SMARCA2: variants seen among roughly 807,000 people sequenced by gnomAD.
SMARCA2 encodes the protein SWI/SNF related BAF chromatin remodeling complex subunit ATPase 2.
In SMARCA2, 61 loss-of-function variants were observed where a neutral mutation model predicts 199.8. That is an observed-to-expected ratio of 0.31 (90% CI 0.25 to 0.38). The LOEUF is 0.38. SMARCA2 is among the 10% of genes least tolerant of loss of function. The pLI, the probability that SMARCA2 is intolerant of heterozygous loss-of-function variation, is 1.00. For missense variants in SMARCA2, 1,344 were observed against 2,012.2 expected, an observed-to-expected ratio of 0.67 and a Z score of 6.35; for synonymous variants, 935 against 732.0, an observed-to-expected ratio of 1.28 and a Z score of -4.48.
At chr9:2,180,136 C>T (rs938789672) in intron 29 of SMARCA2, among the ~76,000 whole-genome samples, 6 of 152,138 alleles carry the variant, frequency 3.9e-5, no homozygotes, top group Non-Finnish European at 4.4e-5. Context: ...TTGGTTCTTG[C>T]TGCAGTGATC....
intron 8 of SMARCA2, among the ~76,000 whole-genome samples, chr9:2,059,151 CTG>C (rs1255930632): frequency 1.3e-5 from 2 of 152,030 alleles, no homozygotes; most frequent in East Asian, 1.9e-4. Flanking sequence ...TCAGAGCACA[CTG>C]TGGATTTTAG....
intron 32 of SMARCA2, among the ~76,000 whole-genome samples, chr9:2,190,633 A>C (rs1007408004): frequency 2.0e-5 from 3 of 152,120 alleles, no homozygotes; most frequent in Non-Finnish European, 4.4e-5. Flanking sequence ...GTAGAATCAC[A>C]CACACACACA....
intron 28 of SMARCA2, among the ~76,000 whole-genome samples, chr9:2,168,107 G>A (rs941404232): frequency 6.6e-6 from 1 of 151,198 alleles, no homozygotes; most frequent in Non-Finnish European, 1.5e-5. Flanking sequence ...TGCCTCCCGG[G>A]TTCAAGCAAT....
intron 14 of SMARCA2, chr9:2,080,189 G>C (rs1821505467): frequency 6.6e-6 from 1 of 152,152 alleles, no homozygotes; most frequent in Non-Finnish European, 1.5e-5. Flanking sequence ...CTTCTTGACA[G>C]GTTTTTGTGT....
Position 2,086,321 on chromosome 9 carries a change from C to T in SMARCA2, c.2527-508C>T, listed in dbSNP as rs1821802441. 1.3e-5 allele frequency among the ~76,000 whole-genome samples: 2 copies of T among 152,180 alleles called. No individual in the cohort carries two copies. The highest frequency in any genetic ancestry group is 2.9e-5 in the Non-Finnish European group (2 of 68,028). On this transcript the variant is annotated intron_variant, in intron 17 of 33. Coordinates refer to ENST00000349721, the MANE Select transcript of SMARCA2 (RefSeq NM_003070.5). This position sits in a 1 kb window ranked among gnomAD's most constrained non-coding sequence, Gnocchi z 4.3. ...CCAAGCCCTAAAGGTAGTAACCAGC[C>T]AGGCTAATAGAAAAGAAGGCATGGA...
At chr9:2,159,022 TAATAAG>T (rs1563812067) in intron 27 of SMARCA2, 1 of 1,607,250 alleles carries the variant, frequency 6.2e-7, no homozygotes, top group Non-Finnish European at 8.5e-7. Flanking sequence ...AACCTAAATT[TAATAAG>T]AATCTGCACG....
chr9:2,126,038 G>A (rs1232250667), intron 27 of SMARCA2, among the ~76,000 whole-genome samples: 1 of 152,152 alleles, frequency 6.6e-6, no homozygotes, highest in African/African-American at 2.4e-5. Flanking sequence ...TAGAGACTCA[G>A]TGAATGTTTG....
intron 5 of SMARCA2, chr9:2,048,088 C>T (rs1454816457): frequency 6.6e-6 from 1 of 152,190 alleles, no homozygotes; most frequent in African/African-American, 2.4e-5. Flanking sequence ...TCTGTCACAA[C>T]TCACCTCTAC....
intron 3 of SMARCA2, among the ~76,000 whole-genome samples, chr9:2,038,221 T>C (rs1447292826): frequency 2.0e-5 from 3 of 152,238 alleles, no homozygotes; most frequent in Admixed American, 1.3e-4. Context: ...CAAAAGTTAA[T>C]TGTGTGACTT....
intron 7 of SMARCA2, among the ~76,000 whole-genome samples, chr9:2,057,832 G>T (rs1426443946): frequency 6.6e-6 from 1 of 152,108 alleles, no homozygotes; most frequent in Non-Finnish European, 1.5e-5. Context: ...ATTCTGCATG[G>T]CAATTTTAAC....
intron 29 of SMARCA2, among the ~76,000 whole-genome samples, chr9:2,173,019 A>G (rs913322671): frequency 2.6e-5 from 4 of 152,196 alleles, no homozygotes; most frequent in Non-Finnish European, 1.5e-5. Flanking sequence ...GGGAATAAAT[A>G]TTCAGAGGTA....
chr9:2,107,610 G>A (rs572534250), intron 23 of SMARCA2, among the ~76,000 whole-genome samples: 3 of 152,314 alleles, frequency 2.0e-5, no homozygotes, highest in African/African-American at 7.2e-5. Flanking sequence ...GAGCCACCAT[G>A]CCTGGCCTAT....
intron 3 of SMARCA2, among the ~76,000 whole-genome samples, chr9:2,038,422 A>C (rs1383073447): frequency 6.6e-6 from 1 of 152,146 alleles, no homozygotes; most frequent in Non-Finnish European, 1.5e-5. Flanking sequence ...GTCTTGGTTC[A>C]CTTCCGTCTA....
rs1229558624 is a variant in SMARCA2 at position 2,123,820 on chromosome 9, C to T, written c.3864C>T (p.Asp1288=). Residue 1288 remains aspartate, a synonymous_variant, in exon 27 of 34, where the codon GAC becomes GAT. Coordinates refer to ENST00000349721, the MANE Select transcript of SMARCA2 (RefSeq NM_003070.5). The surrounding 1 kb of genome is among the most constrained non-coding windows in gnomAD (Gnocchi z 4.1). ...TGCCCTCCTGGATCATTAAGGATGA[C>T]GCTGAAGTAGAAAGGCTCACCTGTG... ...DELPSWIIKD[D]AEVERLTCEE... 7 of 1,612,986 alleles carry T rather than the reference C, an allele frequency of 4.3e-6. No individual in the cohort carries two copies. Among genetic ancestry groups the T allele is most frequent in the East Asian group, 2.2e-5 (1 of 44,874 alleles).
chr9:2,087,516 C>G (rs1821852115), intron 18 of SMARCA2, among the ~76,000 whole-genome samples: 1 of 152,054 alleles, frequency 6.6e-6, no homozygotes, highest in Non-Finnish European at 1.5e-5. Context: ...TAAAACAGAA[C>G]TAGTTTTCAC....
intron 9 of SMARCA2, 100 bp downstream of exon 9, chr9:2,061,086 G>T: frequency 8.8e-7 from 1 of 1,133,486 alleles, no homozygotes; most frequent in Non-Finnish European, 1.2e-6. Context: ...TACACTGGTG[G>T]AAGGTTTAGA....
At chr9:2,042,971 A>G (rs1819676718) in intron 4 of SMARCA2, 1 of 152,144 alleles carries the variant, frequency 6.6e-6, no homozygotes, top group South Asian at 2.1e-4. Context: ...GAAACAGATA[A>G]CTTTACTTGC....
At chr9:2,176,188 T>TTTTTTTTTGTTTTTTTTTTTTTG (rs1826586894) in intron 29 of SMARCA2, among the ~76,000 whole-genome samples, 2 of 135,558 alleles carry the variant, frequency 1.5e-5, no homozygotes, top group African/African-American at 6.8e-5. Context: ...GCCTGTTTTT[T>TTTTTTTTTGTTTTTTTTTTTTTG]TTTTTTTTTT....
intron 32 of SMARCA2, 53 bp downstream of exon 32, chr9:2,186,281 G>A: frequency 1.9e-6 from 3 of 1,555,226 alleles, no homozygotes; most frequent in Non-Finnish European, 1.7e-6. Flanking sequence ...CACCTGCATA[G>A]CTGTCTCCAC....
Sources: gnomAD v4.1 joint callset for allele counts (sites outside exome capture counted in the v4.1 genomes callset) on GRCh38, gnomAD v4.1.1 for gene constraint, Gnocchi (gnomAD v3.1) non-coding constraint, MANE v1.5 for transcripts, NCBI Gene and HGNC (gene_info 2026-07-23, HGNC 2026-07-21) for gene names.